ATG13: variants seen among roughly 807,000 people sequenced by gnomAD.
ATG13 encodes autophagy related 13.
Under a neutral mutation model 65.5 loss-of-function variants are expected in ATG13, and 23 were observed. The ratio of observed to expected loss-of-function variants is 0.35; its 90% CI spans 0.25 to 0.50. The LOEUF (loss-of-function observed/expected upper bound fraction) is 0.50, where lower values mean the gene tolerates loss of function less well. Among genes scored for constraint, ATG13 ranks in the 20% least tolerant of loss-of-function variants. The pLI, the probability that ATG13 is intolerant of heterozygous loss-of-function variation, is 0.98. For synonymous variants in ATG13, 252 were observed against 245.2 expected, an observed-to-expected ratio of 1.03 and a Z score of -0.26; for missense variants, 566 against 677.0, an observed-to-expected ratio of 0.84 and a Z score of 1.82.
intron 2 of ATG13, among the ~76,000 whole-genome samples, 167 bp from the exon 3 acceptor site, chr11:46,644,112 G>A (rs1029714483): frequency 1.3e-5 from 2 of 152,100 alleles, no homozygotes; most frequent in Non-Finnish European, 2.9e-5. Context: ...TCAAGAGATA[G>A]TATCTCAGTA....
At chr11:46,662,601 A>C (rs972709846) in intron 11 of ATG13, among the ~76,000 whole-genome samples, 1 of 152,180 alleles carries the variant, frequency 6.6e-6, no homozygotes, top group African/African-American at 2.4e-5. Context: ...CCCTGTCATC[A>C]TTACTCCCTG....
intron 12 of ATG13, 68 bp downstream of exon 12, chr11:46,664,163 A>G: frequency 8.3e-7 from 1 of 1,199,768 alleles, no homozygotes; most frequent in South Asian, 1.3e-5. Context: ...TTGTAAATAA[A>G]TTATAAGGTA....
intron 4 of ATG13, 66 bp downstream of exon 4, chr11:46,645,485 C>A: frequency 7.4e-7 from 1 of 1,350,982 alleles, no homozygotes; most frequent in South Asian, 1.2e-5. Flanking sequence ...GTAAAGTTCT[C>A]AAGTGCAATA....
intron 2 of ATG13, among the ~76,000 whole-genome samples, chr11:46,643,058 A>G (rs942600150): frequency 6.6e-6 from 1 of 152,200 alleles, no homozygotes; most frequent in Non-Finnish European, 1.5e-5. Flanking sequence ...ATGCAAAGGA[A>G]GGATTGAAAC....
At chr11:46,663,447 A>T (rs1030544346) in intron 11 of ATG13, among the ~76,000 whole-genome samples, 6 of 151,904 alleles carry the variant, frequency 3.9e-5, no homozygotes, top group African/African-American at 1.5e-4. Context: ...ACCCCTGCAC[A>T]CCCACTTGTC....
At position 46,643,465 on chromosome 11, in the gene ATG13, T is replaced by A. The variant is rs138706829; in HGVS notation, c.-13-814T>A. ...ATTAACATTTTCCAACTATACTCAA[T>A]CCTTTGGAAAACTGGAGAAAACTGG... On this transcript the variant is annotated intron_variant, in intron 2 of 18. Coordinates refer to ENST00000683050, the MANE Select transcript of ATG13 (RefSeq NM_001346311.2). Among the ~76,000 whole-genome samples, 43 of 152,188 alleles carry A rather than the reference T, an allele frequency of 2.8e-4. No homozygotes were observed. In the East Asian group the frequency reaches 4.6e-3, roughly 16 times the overall value.
chr11:46,663,983 G>A lies in ATG13; in HGVS notation c.790-14G>A. ...TTTTTTGTTTCTCCTGTCTCTGTGT[G>A]TGTCTGTGCACAGTGTGTGTTTACT... On this transcript the variant is annotated splice_polypyrimidine_tract_variant and intron_variant, in intron 11 of 18. Transcript: ENST00000683050. 1 of 834,244 alleles carries A rather than the reference G, an allele frequency of 1.2e-6. No individual in the cohort carries two copies. Among genetic ancestry groups the A allele is most frequent in the Non-Finnish European group, 1.8e-6 (1 of 558,366 alleles). 51.7% of individuals were successfully genotyped at this position (834,244 alleles called of 1,614,324 possible).
intron 1 of ATG13, among the ~76,000 whole-genome samples, 173 bp downstream of exon 1, chr11:46,618,063 G>A (rs2045903136): frequency 6.6e-6 from 1 of 152,132 alleles, no homozygotes. Context: ...GGCCCCGTTG[G>A]CCCCTGCTTG....
Position 46,673,093 on chromosome 11 carries a change from G to T in ATG13, c.*761G>T. 5.6e-6 allele frequency: 1 copy of T among 179,886 alleles called. No individual in the cohort carries two copies. The highest frequency in any genetic ancestry group is 5.5e-5 in the Admixed American group (1 of 18,302). The allele number at this position is 179,886 out of a possible 1,614,324, so 11.1% of individuals were successfully genotyped here. On this transcript the variant is annotated 3_prime_UTR_variant, in exon 19 of 19. Coordinates refer to ENST00000683050, the MANE Select transcript of ATG13 (RefSeq NM_001346311.2). Reference sequence around the variant, plus strand: ...AAAGTTCTCTTCCTCTTGTCCCCCCGTTGCTGCTCCTTGGTTATAGAACAT... The same window carrying T: ...AAAGTTCTCTTCCTCTTGTCCCCCCTTTGCTGCTCCTTGGTTATAGAACAT...
chr11:46,652,654 A>G (rs1320669866), intron 7 of ATG13, among the ~76,000 whole-genome samples: 1 of 152,110 alleles, frequency 6.6e-6, no homozygotes, highest in Non-Finnish European at 1.5e-5. Context: ...TCAAGGCTTC[A>G]GTGAGCCATG....
At position 46,672,160 on chromosome 11, in the gene ATG13, C is replaced by T. The variant is rs890230596; in HGVS notation, c.1576-95C>T. ...GCTCGGCCCAGCTAGGGCTGAGCTT[C>T]GTCTTGCTTGCTGCCTCCCCTCTTC... On this transcript the variant is annotated intron_variant, in intron 18 of 18. Transcript: ENST00000683050. The T allele has an allele frequency of 7.2e-5, 114 of 1,585,476 alleles. No individual in the cohort carries two copies. The African/African-American group carries it at 1.0e-3, about 14-fold the overall frequency.
intron 10 of ATG13, among the ~76,000 whole-genome samples, chr11:46,657,865 T>G (rs2060349257): frequency 6.6e-6 from 1 of 152,190 alleles, no homozygotes; most frequent in Non-Finnish European, 1.5e-5. Flanking sequence ...TGGATCTTGA[T>G]GTTAGTGATA....
chr11:46,654,004 C>T (rs967831227), intron 7 of ATG13, among the ~76,000 whole-genome samples: 5 of 151,326 alleles, frequency 3.3e-5, no homozygotes, highest in Non-Finnish European at 5.9e-5. Context: ...CTAATATAGA[C>T]TGGCCTGTCC....
intron 10 of ATG13, among the ~76,000 whole-genome samples, chr11:46,658,784 C>G (rs1235909386): frequency 6.6e-6 from 1 of 152,060 alleles, no homozygotes; most frequent in Non-Finnish European, 1.5e-5. Flanking sequence ...GATCCGCCTG[C>G]TTCGGCCTCC....
At chr11:46,644,135 G>T (rs1015166968) in intron 2 of ATG13, 144 bp from the exon 3 acceptor site, 1 of 517,342 alleles carries the variant, frequency 1.9e-6, no homozygotes. Context: ...TTTCACTTTG[G>T]TATCTTTAGT....
chr11:46,633,989 C>CT (rs1268945784), intron 2 of ATG13, among the ~76,000 whole-genome samples: 1 of 152,146 alleles, frequency 6.6e-6, no homozygotes, highest in Non-Finnish European at 1.5e-5. Context: ...ACAGGATCAC[C>CT]TTTTGCCACT....
At chr11:46,627,860 AT>A (rs2135817294) in intron 1 of ATG13, among the ~76,000 whole-genome samples, 1 of 152,036 alleles carries the variant, frequency 6.6e-6, no homozygotes, top group South Asian at 2.1e-4. Flanking sequence ...AGACGGGAGG[AT>A]TGCTTGAGCC....
chr11:46,664,513 G>C (rs1370772801), intron 12 of ATG13, among the ~76,000 whole-genome samples: 2 of 152,220 alleles, frequency 1.3e-5, no homozygotes, highest in Non-Finnish European at 2.9e-5. Context: ...TCGGCTACCA[G>C]TTCTGCGCAG....
chr11:46,670,524 T>C (rs1592304039), intron 18 of ATG13, among the ~76,000 whole-genome samples: 2 of 145,548 alleles, frequency 1.4e-5, no homozygotes, highest in East Asian at 4.2e-4. Context: ...CCAAGACCTT[T>C]TGGGCCAGGC....
Sources: gnomAD v4.1 joint callset for allele counts (sites outside exome capture counted in the v4.1 genomes callset) on GRCh38, gnomAD v4.1.1 for gene constraint, MANE v1.5 for transcripts, NCBI Gene and HGNC (gene_info 2026-07-23, HGNC 2026-07-21) for gene names.